Variants in CD84 observed in about 807,000 individuals in gnomAD.
CD84 encodes CD84 molecule, also known as SLAM family member 5.
A neutral mutation model predicts 33.8 loss-of-function variants in CD84; 22 were observed. The observed-to-expected ratio is 0.65, with a 90% confidence interval of 0.46 to 0.93. The LOEUF (loss-of-function observed/expected upper bound fraction) is 0.93. Ranked by LOEUF, CD84 falls within the 40% of genes least tolerant of loss-of-function variation. CD84 has a pLI of 0.00. For synonymous variants in CD84, 154 were observed against 145.2 expected, an observed-to-expected ratio of 1.06 and a Z score of -0.44; for missense variants, 400 against 397.6, an observed-to-expected ratio of 1.01 and a Z score of -0.05.
chr1:160,550,264 T>G (rs1213033778), intron 5 of CD84, among the ~76,000 whole-genome samples: 1 of 151,776 alleles, frequency 6.6e-6, no homozygotes, highest in Non-Finnish European at 1.5e-5. Flanking sequence ...TCAGTCAGGA[T>G]TTTAGCTTTC....
At chr1:160,577,953 T>C (rs1260942005) in intron 1 of CD84, among the ~76,000 whole-genome samples, 1 of 152,146 alleles carries the variant, frequency 6.6e-6, no homozygotes, top group Non-Finnish European at 1.5e-5. Flanking sequence ...AGCTACCTTT[T>C]ATCTTAGCAG....
At chr1:160,557,871 G>T (rs1471377142) in intron 2 of CD84, among the ~76,000 whole-genome samples, 4 of 152,156 alleles carry the variant, frequency 2.6e-5, no homozygotes, top group African/African-American at 7.2e-5. Context: ...CTACAACGCG[G>T]CACAGCTGCT....
chr1:160,549,483 A>G (rs1656046919), intron 6 of CD84, among the ~76,000 whole-genome samples: 2 of 152,206 alleles, frequency 1.3e-5, no homozygotes, highest in South Asian at 4.1e-4. Flanking sequence ...TGCGTGTGGT[A>G]AAAGAGCAGC....
At chr1:160,562,487 A>T (rs1030953794) in intron 2 of CD84, among the ~76,000 whole-genome samples, 1 of 152,216 alleles carries the variant, frequency 6.6e-6, no homozygotes, top group African/African-American at 2.4e-5. Context: ...TTCCCTATTT[A>T]AAAATGGTGC....
intron 4 of CD84, among the ~76,000 whole-genome samples, chr1:160,552,415 C>T (rs1015150982): frequency 6.6e-6 from 1 of 152,192 alleles, no homozygotes; most frequent in Non-Finnish European, 1.5e-5. Context: ...TACTAGCTAA[C>T]ATTTATCAAG....
Position 160,565,441 on chromosome 1 carries a change from G to A in CD84, c.351C>T (p.Pro117=), listed in dbSNP as rs747316765. 2.2e-5 allele frequency: 36 copies of A among 1,612,944 alleles called. No individual in the cohort carries two copies. Among genetic ancestry groups the A allele is most frequent in the Non-Finnish European group, 2.9e-5 (34 of 1,179,412 alleles). ...GGTTGTAGCGCTTGGTGGTGGTGTA[G>A]GGATCAGCCTGTGTATTTATGTCTG... The part of the protein sequence containing the change: ...YKADINTQAD[P]YTTTKRYNLQ... The change falls in exon 2 of 7, where the codon CCC becomes CCT. Residue 117 remains proline (P), a synonymous_variant. Transcript: ENST00000368054.
At chr1:160,567,829 G>C (rs946946367) in intron 1 of CD84, among the ~76,000 whole-genome samples, 13 of 152,100 alleles carry the variant, frequency 8.5e-5, no homozygotes, top group Non-Finnish European at 1.8e-4. Flanking sequence ...TAGGAGAGGG[G>C]TATTTGGAGT....
At chr1:160,564,047 A>G (rs1435210716) in intron 2 of CD84, among the ~76,000 whole-genome samples, 2 of 152,198 alleles carry the variant, frequency 1.3e-5, no homozygotes, top group African/African-American at 2.4e-5. Context: ...TCGCATTTCC[A>G]AAAAGCTCCC....
chr1:160,574,452 G>T (rs936463749), intron 1 of CD84, among the ~76,000 whole-genome samples: 1 of 152,162 alleles, frequency 6.6e-6, no homozygotes, highest in African/African-American at 2.4e-5. Flanking sequence ...CTAGCTAAAT[G>T]ACCATGAATG....
chr1:160,553,305 C>T (rs1020364644), intron 4 of CD84, 73 bp downstream of exon 4: 1 of 1,613,100 alleles, frequency 6.2e-7, no homozygotes, highest in African/African-American at 1.3e-5. Flanking sequence ...TCAGCTAAAC[C>T]TTGGATAAAT....
intron 1 of CD84, among the ~76,000 whole-genome samples, chr1:160,568,744 C>T (rs1270157959): frequency 1.4e-5 from 2 of 138,280 alleles, no homozygotes; most frequent in Non-Finnish European, 2.9e-5. Flanking sequence ...CCTCAGCCAC[C>T]CAAGTAGCTG....
intron 2 of CD84, among the ~76,000 whole-genome samples, chr1:160,558,243 T>G (rs567756767): frequency 2.0e-5 from 3 of 152,158 alleles, no homozygotes; most frequent in South Asian, 4.1e-4. Context: ...TGGCAACAGG[T>G]CAGTACACCC....
chr1:160,551,084 T>C, intron 4 of CD84, 49 bp from the exon 5 acceptor site: 1 of 1,320,272 alleles, frequency 7.6e-7, no homozygotes, highest in Non-Finnish European at 1.1e-6. Flanking sequence ...GGTGGTTTTT[T>C]TAGCAATGAT....
intron 1 of CD84, among the ~76,000 whole-genome samples, chr1:160,576,527 C>T (rs557850048): frequency 2.0e-5 from 3 of 152,190 alleles, no homozygotes; most frequent in South Asian, 2.1e-4. Context: ...AGATTCTATC[C>T]GAATAATCCT....
chr1:160,573,344 A>G (rs1015373851), intron 1 of CD84, among the ~76,000 whole-genome samples: 1 of 152,048 alleles, frequency 6.6e-6, no homozygotes, highest in Non-Finnish European at 1.5e-5. Flanking sequence ...AAAACCCCAT[A>G]ATTCTCCTTA....
chr1:160,579,419 A>G lies in CD84; in HGVS notation c.19T>C (p.Trp7Arg). ...GTTTGCAGGCAAAGGAGCAAGATCC[A>G]TAGGTGGTGCTGAGCCATCTCTTTC... MAQHHL[W>R]ILLLCLQTWP... The change falls in exon 1 of 7, where the codon TGG (tryptophan) becomes CGG (arginine). Residue 7 changes from tryptophan to arginine, a missense_variant. Physicochemically the swap from Trp to Arg is moderately radical, Grantham distance 101. Transcript: ENST00000368054. The G allele has an allele frequency of 6.2e-7, 1 of 1,613,324 alleles. No homozygotes were observed. Among genetic ancestry groups the G allele is most frequent in the Admixed American group, 1.7e-5 (1 of 59,916 alleles).
intron 1 of CD84, among the ~76,000 whole-genome samples, chr1:160,572,455 C>T (rs1162044805): frequency 6.6e-6 from 1 of 152,072 alleles, no homozygotes; most frequent in African/African-American, 2.4e-5. Flanking sequence ...TTCACTGTTC[C>T]TCAGGTGCCT....
In CD84 at chr1:160,565,577, G is replaced by A. The variant is rs143910468; in HGVS notation, c.215C>T (p.Pro72Leu). 362 of 1,613,960 alleles carry A rather than the reference G, an allele frequency of 2.2e-4. 1 individual carries two copies. The African/African-American group carries it at 3.6e-3, about 16-fold the overall frequency. ...ATTTCTGTGGGTCACAGTAACTACG[G>A]GTGCTGTTTCTGAGTCTCCTGGTGT... Reference protein sequence around the residue: ...YVTPGDSETAPVVTVTHRNYY... With the variant: ...YVTPGDSETALVVTVTHRNYY... Residue 72 changes from proline (P) to leucine (L), a missense_variant, in exon 2 of 7, where the codon CCC becomes CTC. Physicochemically the swap from Pro to Leu is moderately conservative, Grantham distance 98 (BLOSUM62 -3). Coordinates refer to ENST00000368054, the MANE Select transcript of CD84 (RefSeq NM_003874.4).
rs1655898908 is a variant in CD84 at position 160,547,524 on chromosome 1, G to A, written c.*732C>T. On this transcript the variant is annotated 3_prime_UTR_variant, in exon 7 of 7. Transcript: ENST00000368054. ...AACATTTTCCAACACTCCATTTGGAGAGTGTGTCTACATGGCTGAGAGCCA... is the reference window on the plus strand; with the variant it reads ...AACATTTTCCAACACTCCATTTGGAAAGTGTGTCTACATGGCTGAGAGCCA... 2 of 220,352 alleles carry A rather than the reference G, an allele frequency of 9.1e-6. No homozygotes were observed. The highest frequency in any genetic ancestry group is 9.2e-5 in the East Asian group (1 of 10,916). The allele number at this position is 220,352 out of a possible 1,614,324, so 13.6% of individuals were successfully genotyped here.
Sources: allele counts gnomAD v4.1 joint callset (sites outside exome capture counted in the v4.1 genomes callset), GRCh38; gene constraint gnomAD v4.1.1; transcripts MANE v1.5; gene names NCBI Gene and HGNC (gene_info 2026-07-23, HGNC 2026-07-21).